Variants in UNC5D observed in about 807,000 individuals in gnomAD.
UNC5D encodes unc-5 netrin receptor D.
A neutral mutation model predicts 105.4 loss-of-function variants in UNC5D; 39 were observed. That is an observed-to-expected ratio of 0.37 (90% CI 0.29 to 0.48). UNC5D has a LOEUF of 0.48. Among genes scored for constraint, UNC5D ranks in the 20% least tolerant of loss-of-function variants. The pLI, the probability that UNC5D is intolerant of heterozygous loss-of-function variation, is 0.98. For missense variants in UNC5D, 991 were observed against 1,202.4 expected, an observed-to-expected ratio of 0.82 and a Z score of 2.60; for synonymous variants, 452 against 450.4, an observed-to-expected ratio of 1.00 and a Z score of -0.04.
chr8:35,682,977 T>C (rs1335108244), intron 4 of UNC5D, among the ~76,000 whole-genome samples: 1 of 152,184 alleles, frequency 6.6e-6, no homozygotes, highest in Non-Finnish European at 1.5e-5. Context: ...CAAAGAAACT[T>C]ATCTCAAAAT....
At chr8:35,728,095 A>AAAAAAATATATATATAT (rs34672872) in intron 10 of UNC5D, among the ~76,000 whole-genome samples, 1 of 110,364 alleles carries the variant, frequency 9.1e-6, no homozygotes, top group African/African-American at 5.5e-5. Context: ...AAAAAAAAAA[A>AAAAAAATATATATATAT]ATATATATAT....
At chr8:35,328,586 C>T (rs948596348) in intron 1 of UNC5D, among the ~76,000 whole-genome samples, 1 of 152,136 alleles carries the variant, frequency 6.6e-6, no homozygotes, top group African/African-American at 2.4e-5. Flanking sequence ...CTGTGGATCT[C>T]CTTTCTTATA....
At chr8:35,491,399 ATAAAT>A (rs1347530483) in intron 1 of UNC5D, among the ~76,000 whole-genome samples, 1 of 152,208 alleles carries the variant, frequency 6.6e-6, no homozygotes, top group Non-Finnish European at 1.5e-5. Context: ...CCAATGGGTG[ATAAAT>A]TAGATTATAC....
chr8:35,658,321 G>A (rs1052422402), intron 4 of UNC5D, among the ~76,000 whole-genome samples: 3 of 152,166 alleles, frequency 2.0e-5, no homozygotes, highest in African/African-American at 7.2e-5. Context: ...AGATATGTCA[G>A]CATGTACATC....
intron 3 of UNC5D, among the ~76,000 whole-genome samples, chr8:35,572,545 T>C (rs1218084067): frequency 1.3e-5 from 2 of 152,100 alleles, no homozygotes; most frequent in African/African-American, 2.4e-5. Context: ...TGGATTTCCA[T>C]GGGGTATTAA....
chr8:35,549,296 T>G lies in UNC5D; in HGVS notation c.108T>G (p.Thr36=). ...ATGTCTTTTTTGATTTCACAGGAAC[T>G]GACAATGGCGAAGCCCTTCCCGAAT... is the stretch of plus-strand genomic sequence containing the variant. The part of the protein sequence containing the change: ...WAAGTAAARG[T]DNGEALPESI... Residue 36 remains threonine, a synonymous_variant, in exon 2 of 17, where the codon ACT becomes ACG. Coordinates refer to ENST00000404895, the MANE Select transcript of UNC5D (RefSeq NM_080872.4). The G allele has an allele frequency of 1.2e-6, 2 of 1,612,988 alleles. No individual in the cohort carries two copies. Among genetic ancestry groups the G allele is most frequent in the Non-Finnish European group, 1.7e-6 (2 of 1,180,024 alleles).
chr8:35,630,944 T>C (rs1822001063), intron 4 of UNC5D, among the ~76,000 whole-genome samples: 1 of 152,176 alleles, frequency 6.6e-6, no homozygotes, highest in African/African-American at 2.4e-5. Context: ...ATGAAAGTAG[T>C]TTCTCTAGAC....
Position 35,717,034 on chromosome 8 carries a change from C to A in UNC5D, c.1118-5176C>A, listed in dbSNP as rs1321735649. ...GGGATTCCATCTCCATGGCTGGTTG[C>A]CTCGTTTTCTGTTTGTCTTACCCTT... On this transcript the variant is annotated intron_variant, in intron 8 of 16. Coordinates refer to ENST00000404895, the MANE Select transcript of UNC5D (RefSeq NM_080872.4). Among the ~76,000 whole-genome samples the A allele has an allele frequency of 3.9e-5, 6 of 152,170 alleles. No homozygotes were observed. The East Asian group carries it at 7.7e-4, about 20-fold the overall frequency.
chr8:35,560,944 G>A (rs1205931143), intron 2 of UNC5D, among the ~76,000 whole-genome samples: 1 of 152,204 alleles, frequency 6.6e-6, no homozygotes, highest in African/African-American at 2.4e-5. Flanking sequence ...ACTGACAAGA[G>A]TGGGGTAAGA....
At chr8:35,388,224 C>T (rs112574679) in intron 1 of UNC5D, among the ~76,000 whole-genome samples, 2,382 of 152,002 alleles carry the variant, frequency 0.016, 71 homozygotes, top group African/African-American at 0.056. Flanking sequence ...ATTAGCCAGG[C>T]ATGGTGGCAG....
intron 7 of UNC5D, 149 bp from the exon 8 acceptor site, chr8:35,705,780 A>T: frequency 2.5e-6 from 1 of 398,218 alleles, no homozygotes; most frequent in Non-Finnish European, 4.3e-6. Flanking sequence ...ATAGAATGAA[A>T]AAACTATGGA....
intron 1 of UNC5D, among the ~76,000 whole-genome samples, chr8:35,482,959 C>T (rs770149969): frequency 1.1e-3 from 173 of 151,824 alleles, no homozygotes; most frequent in Admixed American, 9.2e-4. Flanking sequence ...CCTGCCACCA[C>T]GCCCGGCTAA....
intron 4 of UNC5D, among the ~76,000 whole-genome samples, chr8:35,630,551 G>T (rs1486767275): frequency 6.6e-6 from 1 of 152,170 alleles, no homozygotes; most frequent in Non-Finnish European, 1.5e-5. Context: ...TATTGTGACA[G>T]TGAAGTGTGT....
In UNC5D at chr8:35,328,225, T is replaced by TTTTATTTA. The variant is rs61297092; in HGVS notation, c.103+92350_103+92357dup. Among the ~76,000 whole-genome samples the TTTTATTTA allele has an allele frequency of 1.2e-4, 18 of 150,708 alleles. No homozygotes were observed. The East Asian group carries it at 1.8e-3, about 15-fold the overall frequency. On this transcript the variant is annotated intron_variant, in intron 1 of 16. Transcript: ENST00000404895. ...ATGCTTTTAACAAAGATTTACTTTA[T>TTTTATTTA]TTTATTTATTTATTTATTTTGCCTA...
In UNC5D at chr8:35,464,305, C is replaced by T. The variant is rs181337675; in HGVS notation, c.104-84987C>T. On this transcript the variant is annotated intron_variant, in intron 1 of 16. Transcript: ENST00000404895. ...TTGCGCAACTGCATTCCAGCCTGGGCGACAAGAGTGAGACTCCCTCTCAAA... is the reference window on the plus strand; with the variant it reads ...TTGCGCAACTGCATTCCAGCCTGGGTGACAAGAGTGAGACTCCCTCTCAAA... 2.0e-4 allele frequency among the ~76,000 whole-genome samples: 30 copies of T among 151,896 alleles called. No individual in the cohort carries two copies. In the East Asian group the frequency reaches 4.8e-3, roughly 25 times the overall value.
Position 35,494,644 on chromosome 8 carries a change from A to G in UNC5D, c.104-54648A>G, listed in dbSNP as rs1448203720. Among the ~76,000 whole-genome samples the G allele has an allele frequency of 2.6e-5, 4 of 152,216 alleles. No homozygotes were observed. The East Asian group carries it at 7.7e-4, about 29-fold the overall frequency. ...CAAATCATTCGTATACCCTGGCAGG[A>G]TTCTAATTCTGAAAGCTGTGCCTTG... is the stretch of plus-strand genomic sequence containing the variant. On this transcript the variant is annotated intron_variant, in intron 1 of 16. Transcript: ENST00000404895.
intron 5 of UNC5D, among the ~76,000 whole-genome samples, chr8:35,684,034 G>T (rs1459802021): frequency 6.6e-6 from 1 of 152,052 alleles, no homozygotes; most frequent in Non-Finnish European, 1.5e-5. Flanking sequence ...ATTGAGATGG[G>T]CAACTTCTGC....
At chr8:35,610,428 A>G (rs1369891813) in intron 4 of UNC5D, among the ~76,000 whole-genome samples, 3 of 152,142 alleles carry the variant, frequency 2.0e-5, no homozygotes, top group Non-Finnish European at 2.9e-5. Context: ...CAAATTTGCT[A>G]TATATTCTGT....
At chr8:35,749,288 C>T (rs1204600016) in intron 12 of UNC5D, among the ~76,000 whole-genome samples, 1 of 152,114 alleles carries the variant, frequency 6.6e-6, no homozygotes, top group African/African-American at 2.4e-5. Context: ...AAGACATTAA[C>T]AACAGGGAAG....
Sources: allele counts gnomAD v4.1 joint callset (sites outside exome capture counted in the v4.1 genomes callset), GRCh38; gene constraint gnomAD v4.1.1; transcripts MANE v1.5; gene names NCBI Gene and HGNC (gene_info 2026-07-23, HGNC 2026-07-21).